The following POFUT3 variants were observed in gnomAD, a reference collection of about 807,000 sequenced individuals.
POFUT3 encodes the protein GDP-fucose protein O-fucosyltransferase 3.
the POFUT3 span, among the ~76,000 whole-genome samples, chr8:33,345,961 G>A: frequency 5.3e-5 from 8 of 151,634 alleles, no homozygotes; most frequent in Admixed American, 2.0e-4. Flanking sequence ...AAGTAGCTGG[G>A]ATTACAGGTG....
chr8:33,422,572 A>C, the POFUT3 span, among the ~76,000 whole-genome samples: 17 of 148,300 alleles, frequency 1.1e-4, no homozygotes, highest in South Asian at 1.1e-3. Context: ...AAAAAAAAAA[A>C]CCACAGTTTT....
chr8:33,463,712 T>A, the POFUT3 span, among the ~76,000 whole-genome samples: 8 of 152,066 alleles, frequency 5.3e-5, no homozygotes, highest in Non-Finnish European at 7.4e-5. Flanking sequence ...ACCCAGCTAA[T>A]TTTTGTTTGT....
chr8:33,454,730 G>T, the POFUT3 span, among the ~76,000 whole-genome samples: 1 of 150,158 alleles, frequency 6.7e-6, no homozygotes, highest in Non-Finnish European at 1.5e-5. Flanking sequence ...GCAGTGGCGC[G>T]ATCTTGGCTT....
the POFUT3 span, among the ~76,000 whole-genome samples, chr8:33,314,300 T>C: frequency 6.6e-6 from 1 of 152,166 alleles, no homozygotes; most frequent in Non-Finnish European, 1.5e-5. Flanking sequence ...CTTGTGACAA[T>C]TCAACCACGT....
the POFUT3 span, among the ~76,000 whole-genome samples, chr8:33,360,014 C>A: frequency 2.7e-5 from 4 of 148,392 alleles, no homozygotes; most frequent in Non-Finnish European, 6.0e-5. Context: ...TCAAAAAAAA[C>A]CAAACCAAAC....
At chr8:33,472,904 C>G in the POFUT3 span, among the ~76,000 whole-genome samples, 15 of 152,220 alleles carry the variant, frequency 9.9e-5, no homozygotes. Context: ...CACGCACCCC[C>G]TGCTCGGTAC....
chr8:33,441,195 G>A, the POFUT3 span, among the ~76,000 whole-genome samples: 1 of 151,616 alleles, frequency 6.6e-6, no homozygotes, highest in Non-Finnish European at 1.5e-5. Flanking sequence ...GCCAGGCATG[G>A]TGGTGCACGC....
the POFUT3 span, among the ~76,000 whole-genome samples, chr8:33,318,090 G>A: frequency 2.0e-5 from 3 of 152,066 alleles, no homozygotes; most frequent in Admixed American, 2.0e-4. Context: ...GTCTTTTGAT[G>A]CTCTGGGCAT....
chr8:33,325,562 T>C, the POFUT3 span, among the ~76,000 whole-genome samples: 60,344 of 152,008 alleles, frequency 0.4, 13,796 homozygotes, highest in East Asian at 0.68. Flanking sequence ...TCAGTAAAAC[T>C]TCAACTGGGC....
At chr8:33,312,704 C>T in the POFUT3 span, among the ~76,000 whole-genome samples, 3 of 152,096 alleles carry the variant, frequency 2.0e-5, no homozygotes, top group African/African-American at 7.2e-5. Context: ...TAGAGTTCAT[C>T]CTGTGCAGTT....
the POFUT3 span, among the ~76,000 whole-genome samples, chr8:33,412,618 T>A: frequency 5.2e-4 from 79 of 152,274 alleles, 1 homozygote; most frequent in Non-Finnish European, 9.3e-4. Flanking sequence ...TGCTTTGCCA[T>A]CTTTGGTTGT....
the POFUT3 span, among the ~76,000 whole-genome samples, chr8:33,456,727 A>G: frequency 6.6e-6 from 1 of 151,830 alleles, no homozygotes; most frequent in Non-Finnish European, 1.5e-5. Flanking sequence ...AGTCCATGAC[A>G]TGGAATAAAA....
chr8:33,310,279 A>ACT, the POFUT3 span, among the ~76,000 whole-genome samples: 65,590 of 151,828 alleles, frequency 0.43, 15,994 homozygotes, highest in East Asian at 0.8. Flanking sequence ...AGTTTTTTAC[A>ACT]GTGTGCTTTA....
At chr8:33,320,383 C>T in the POFUT3 span, among the ~76,000 whole-genome samples, 1 of 152,004 alleles carries the variant, frequency 6.6e-6, no homozygotes, top group African/African-American at 2.4e-5. Flanking sequence ...TAGAATGCTA[C>T]ATTTTCTTTT....
chr8:33,406,300 TA>T, the POFUT3 span, among the ~76,000 whole-genome samples: 1 of 152,134 alleles, frequency 6.6e-6, no homozygotes, highest in Non-Finnish European at 1.5e-5. Flanking sequence ...ATGATTCAGT[TA>T]AAAAAATACA....
At chr8:33,454,959 C>T in the POFUT3 span, among the ~76,000 whole-genome samples, 5 of 152,112 alleles carry the variant, frequency 3.3e-5, no homozygotes, top group Admixed American at 3.3e-4. Flanking sequence ...AGCCACCACG[C>T]CCAGCCAGTT....
the POFUT3 span, among the ~76,000 whole-genome samples, chr8:33,361,658 A>T: frequency 6.6e-6 from 1 of 152,210 alleles, no homozygotes; most frequent in South Asian, 2.1e-4. Context: ...GCTATATCCC[A>T]TTTGCCCAAA....
the POFUT3 span, among the ~76,000 whole-genome samples, chr8:33,472,536 T>C: frequency 1.3e-5 from 2 of 152,240 alleles, no homozygotes; most frequent in Non-Finnish European, 2.9e-5. Context: ...ATTTTCTCCA[T>C]TAAATACGCC....
chr8:33,341,141 G>C, the POFUT3 span, among the ~76,000 whole-genome samples: 4 of 152,018 alleles, frequency 2.6e-5, no homozygotes, highest in African/African-American at 9.7e-5. Context: ...AGAGCACTAA[G>C]AGAAAAATAT....
Sources: gnomAD v4.1 joint callset for allele counts (sites outside exome capture counted in the v4.1 genomes callset) on GRCh38, gnomAD v4.1.1 for gene constraint, MANE v1.5 for transcripts, NCBI Gene and HGNC (gene_info 2026-07-23, HGNC 2026-07-21) for gene names.